The following SNCAIP variants were observed in gnomAD, a reference collection of about 807,000 sequenced individuals.
The protein encoded by SNCAIP is synphilin-1.
Under a neutral mutation model 86.7 loss-of-function variants are expected in SNCAIP, and 43 were observed. The observed-to-expected ratio is 0.50, with a 90% confidence interval of 0.39 to 0.64. The LOEUF (loss-of-function observed/expected upper bound fraction) is 0.64, where lower values mean the gene tolerates loss of function less well. Among genes scored for constraint, SNCAIP ranks in the 30% least tolerant of loss-of-function variants. The probability of loss-of-function intolerance (pLI) is 0.00; values close to 1 mark genes in which losing one functional copy is unlikely to be tolerated. For missense variants in SNCAIP, 981 were observed against 1,103.1 expected (o/e 0.89, Z 1.57); for synonymous variants, 417 against 427.2 (o/e 0.98, Z 0.29).
intron 3 of SNCAIP, among the ~76,000 whole-genome samples, chr5:122,418,995 T>C (rs539008743): frequency 6.0e-4 from 91 of 151,894 alleles, no homozygotes; most frequent in African/African-American, 2.1e-3. Context: ...TTCAGAGGGA[T>C]TGAGGATAAG....
At chr5:122,402,198 CTT>C (rs1401954535) in intron 2 of SNCAIP, among the ~76,000 whole-genome samples, 1 of 152,092 alleles carries the variant, frequency 6.6e-6, no homozygotes, top group African/African-American at 2.4e-5. Context: ...AATTATCTAA[CTT>C]GTACCAGCTG....
chr5:122,382,362 G>C (rs570294414), intron 1 of SNCAIP, among the ~76,000 whole-genome samples: 3 of 152,000 alleles, frequency 2.0e-5, no homozygotes, highest in African/African-American at 7.3e-5. Flanking sequence ...CATTCTTCAC[G>C]TAATTCTCGA....
At chr5:122,334,531 CAA>C (rs1756026897) in intron 1 of SNCAIP, among the ~76,000 whole-genome samples, 2 of 152,186 alleles carry the variant, frequency 1.3e-5, no homozygotes, top group Admixed American at 6.5e-5. Flanking sequence ...AATTCATACT[CAA>C]GAGAGTTACA....
At chr5:122,358,159 TTGTGTGTGTGTGTGTGTGTG>T (rs36222259) in intron 1 of SNCAIP, among the ~76,000 whole-genome samples, 37,039 of 138,048 alleles carry the variant, frequency 0.27, 4,975 homozygotes, top group Admixed American at 0.31. Context: ...ATTTGTTTCT[TTGTGTGTGTGTGTGTGTGTG>T]TGTGTGTGTG....
chr5:122,352,831 G>A (rs949913269), intron 1 of SNCAIP, among the ~76,000 whole-genome samples: 2 of 152,162 alleles, frequency 1.3e-5, no homozygotes, highest in African/African-American at 2.4e-5. Flanking sequence ...GCAGCACAGT[G>A]AGACCCTCAT....
intron 10 of SNCAIP, among the ~76,000 whole-genome samples, chr5:122,455,517 C>T (rs1218739309): frequency 6.6e-6 from 1 of 152,162 alleles, no homozygotes; most frequent in Admixed American, 6.5e-5. Context: ...AGTAGTATGA[C>T]TTTGGAAGTC....
chr5:122,345,408 C>A (rs1300978595), intron 1 of SNCAIP, among the ~76,000 whole-genome samples: 1 of 152,116 alleles, frequency 6.6e-6, no homozygotes, highest in Non-Finnish European at 1.5e-5. Flanking sequence ...CCTAAAGAGG[C>A]TAGAGCAATC....
intron 1 of SNCAIP, among the ~76,000 whole-genome samples, chr5:122,341,250 A>G (rs1665582926): frequency 6.6e-6 from 1 of 152,214 alleles, no homozygotes; most frequent in South Asian, 2.1e-4. Flanking sequence ...AACAGTCTCA[A>G]TTCCCTGGCT....
chr5:122,384,999 A>T (rs905153714), intron 1 of SNCAIP, among the ~76,000 whole-genome samples: 3 of 152,086 alleles, frequency 2.0e-5, no homozygotes, highest in African/African-American at 7.2e-5. Flanking sequence ...CTGTTCCCAT[A>T]CTGAAAGCAC....
intron 1 of SNCAIP, among the ~76,000 whole-genome samples, chr5:122,353,301 T>C (rs1442787018): frequency 6.6e-6 from 1 of 152,088 alleles, no homozygotes; most frequent in Non-Finnish European, 1.5e-5. Context: ...AGTGATTACC[T>C]ACATTGGGTA....
intron 6 of SNCAIP, among the ~76,000 whole-genome samples, chr5:122,435,515 TG>T (rs1265395765): frequency 6.6e-6 from 1 of 152,202 alleles, no homozygotes; most frequent in Non-Finnish European, 1.5e-5. Flanking sequence ...TGATTCCTTT[TG>T]TTTCTGAATC....
At chr5:122,396,640 G>A (rs1473761361) in intron 2 of SNCAIP, among the ~76,000 whole-genome samples, 1 of 152,166 alleles carries the variant, frequency 6.6e-6, no homozygotes, top group East Asian at 1.9e-4. Flanking sequence ...TGGGGTGAAT[G>A]ACACAGACTT....
At chr5:122,414,690 G>C (rs1561707177) in intron 3 of SNCAIP, among the ~76,000 whole-genome samples, 1 of 152,156 alleles carries the variant, frequency 6.6e-6, no homozygotes, top group Non-Finnish European at 1.5e-5. Flanking sequence ...GACCCAAATA[G>C]AGAAAAATGT....
At position 122,445,719 on chromosome 5, in the gene SNCAIP, CAAAAAAAA is replaced by C. The variant is rs544960705; in HGVS notation, c.1592+993_1592+1000del. On this transcript the variant is annotated intron_variant, in intron 8 of 10. Transcript: ENST00000261368. ...TGTACCCTAGAACTTAAAGTATAAT[CAAAAAAAA>C]AAAAAGAAAAAAACCTTGGTTTTTT... Among the ~76,000 whole-genome samples, 351 of 117,736 alleles carry C rather than the reference CAAAAAAAA, an allele frequency of 3.0e-3. 4 individuals are homozygous for C. The highest frequency in any genetic ancestry group is 0.01 in the African/African-American group (318 of 31,690). The allele number at this position is 117,736 out of a possible 152,430, so 77.2% of individuals were successfully genotyped here.
At chr5:122,388,442 G>A (rs1045949102) in intron 1 of SNCAIP, 2 of 152,314 alleles carry the variant, frequency 1.3e-5, no homozygotes, top group African/African-American at 4.8e-5. Flanking sequence ...AGAGTGGGAG[G>A]TGTCAGAAGA....
At chr5:122,343,312 T>C (rs1018957978) in intron 1 of SNCAIP, among the ~76,000 whole-genome samples, 1 of 152,230 alleles carries the variant, frequency 6.6e-6, no homozygotes, top group African/African-American at 2.4e-5. Flanking sequence ...TTCCTAATAG[T>C]CGTTACTGCC....
chr5:122,350,094 G>A (rs1348281868), intron 1 of SNCAIP, among the ~76,000 whole-genome samples: 1 of 152,170 alleles, frequency 6.6e-6, no homozygotes, highest in Non-Finnish European at 1.5e-5. Context: ...TCATTTAACT[G>A]TAATAAAAGT....
chr5:122,323,855 T>G (rs1387713558), intron 1 of SNCAIP, among the ~76,000 whole-genome samples: 1 of 152,190 alleles, frequency 6.6e-6, no homozygotes, highest in African/African-American at 2.4e-5. Flanking sequence ...CTGCTTTACT[T>G]TTCTTTCTCC....
Position 122,403,860 on chromosome 5 carries a change from G to C in SNCAIP, c.125G>C (p.Arg42Thr). The change falls in exon 3 of 11, where the codon AGA (arginine) becomes ACA (threonine). Residue 42 changes from arginine to threonine, a missense_variant. By Grantham distance (71) the Arg-to-Thr change is moderately conservative. Coordinates refer to ENST00000261368, the MANE Select transcript of SNCAIP (RefSeq NM_005460.4). ...AGATGTGATACGCAAAACGAAGACA[G>C]ATCAGGTAGGTTTTGCTCCTCCCCT... is the stretch of plus-strand genomic sequence containing the variant. The part of the protein sequence containing the change: ...CRRCDTQNED[R>T]SVSSSSWNCG... 1 of 1,613,108 alleles carries C rather than the reference G, an allele frequency of 6.2e-7. No individual in the cohort carries two copies. Among genetic ancestry groups the C allele is most frequent in the Non-Finnish European group, 8.5e-7 (1 of 1,179,092 alleles).
Sources: gnomAD v4.1 joint callset for allele counts (sites outside exome capture counted in the v4.1 genomes callset) on GRCh38, gnomAD v4.1.1 for gene constraint, MANE v1.5 for transcripts, NCBI Gene and HGNC (gene_info 2026-07-23, HGNC 2026-07-21) for gene names.